PTPRD: variants seen among roughly 807,000 people sequenced by gnomAD.
PTPRD encodes the protein receptor-type tyrosine-protein phosphatase delta.
In PTPRD, 34 loss-of-function variants were observed where a neutral mutation model predicts 214.5. The observed-to-expected ratio is 0.16, with a 90% CI of 0.12 to 0.21. The LOEUF is 0.21. Among genes scored for constraint, PTPRD ranks in the 10% least tolerant of loss-of-function variants. The pLI is 1.00. For missense variants in PTPRD, 2,545 were observed against 2,398.7 expected (o/e 1.06, Z -1.27); for synonymous variants, 1,128 against 845.7 (o/e 1.33, Z -5.79).
At chr9:8,418,565 T>A (rs1178985937) in intron 35 of PTPRD, among the ~76,000 whole-genome samples, 1 of 148,518 alleles carries the variant, frequency 6.7e-6, no homozygotes, top group Non-Finnish European at 1.5e-5. Context: ...GTATGTAAAA[T>A]ACATTTTTTT....
intron 4 of PTPRD, among the ~76,000 whole-genome samples, chr9:9,980,611 A>AAAAAAAAAAAAAAAT (rs2095508465): frequency 3.6e-5 from 1 of 27,856 alleles, no homozygotes; most frequent in African/African-American, 1.3e-4. Flanking sequence ...ACCTTGTCAA[A>AAAAAAAAAAAAAAAT]AAAAAACAAA....
chr9:9,389,337 C>A (rs943284801), intron 9 of PTPRD, among the ~76,000 whole-genome samples: 2 of 151,990 alleles, frequency 1.3e-5, no homozygotes, highest in Non-Finnish European at 2.9e-5. Flanking sequence ...ATGGTGAAAT[C>A]CCATCTCTAC....
At chr9:10,499,657 G>T (rs1472850066) in intron 2 of PTPRD, among the ~76,000 whole-genome samples, 5 of 151,836 alleles carry the variant, frequency 3.3e-5, no homozygotes, top group Admixed American at 6.6e-5. Flanking sequence ...AGAATTAAAG[G>T]TGTAATCAAA....
intron 12 of PTPRD, among the ~76,000 whole-genome samples, chr9:8,711,609 C>T (rs146045364): frequency 1.3e-3 from 196 of 152,224 alleles, no homozygotes; most frequent in African/African-American, 4.5e-3. Context: ...AGCCTGATTG[C>T]CCAGCAGGAC....
At chr9:8,322,077 C>A (rs368309560) in intron 44 of PTPRD, among the ~76,000 whole-genome samples, 2 of 152,032 alleles carry the variant, frequency 1.3e-5, no homozygotes, top group Admixed American at 1.3e-4. Flanking sequence ...TGAACCATGA[C>A]CATAAGACAA....
rs969356821 is a variant in PTPRD, at chr9:8,985,432, G to A, written c.-104+33265C>T. ...CAACATAGATCCATTAATACAGGTT[G>A]TAATAGCTAAAAGCAATGACAGGTA... On this transcript the variant is annotated intron_variant, in intron 11 of 45. Coordinates refer to ENST00000381196, the MANE Select transcript of PTPRD (RefSeq NM_002839.4). Among the ~76,000 whole-genome samples the A allele has an allele frequency of 8.5e-5, 13 of 152,122 alleles. No homozygotes were observed. The South Asian group carries it at 2.5e-3, about 29-fold the overall frequency.
At chr9:9,120,317 T>C (rs2099816402) in intron 10 of PTPRD, among the ~76,000 whole-genome samples, 2 of 152,306 alleles carry the variant, frequency 1.3e-5, no homozygotes, top group East Asian at 1.9e-4. Flanking sequence ...AAATGCTGAA[T>C]CAGTAATTAC....
At chr9:9,781,524 A>C (rs1036433750) in intron 5 of PTPRD, among the ~76,000 whole-genome samples, 3 of 152,208 alleles carry the variant, frequency 2.0e-5, no homozygotes, top group East Asian at 1.9e-4. Context: ...ACAGTTGCCT[A>C]ATTGAAGTAT....
At chr9:9,565,384 CA>C (rs1361094483) in intron 8 of PTPRD, among the ~76,000 whole-genome samples, 1 of 151,542 alleles carries the variant, frequency 6.6e-6, no homozygotes, top group East Asian at 1.9e-4. Flanking sequence ...TTTAAAATTG[CA>C]AAAAATTGCA....
At chr9:9,653,108 C>T in intron 7 of PTPRD, among the ~76,000 whole-genome samples, 1 of 149,836 alleles carries the variant, frequency 6.7e-6, no homozygotes. Context: ...TTTGGGAGGC[C>T]GAGGCGGGTG....
intron 3 of PTPRD, among the ~76,000 whole-genome samples, chr9:10,273,548 G>A (rs1270960034): frequency 6.6e-6 from 1 of 152,038 alleles, no homozygotes; most frequent in East Asian, 1.9e-4. Context: ...CAGTAGAAAT[G>A]CATTTATTTT....
At chr9:8,757,096 C>A (rs374778464) in intron 11 of PTPRD, among the ~76,000 whole-genome samples, 1 of 152,144 alleles carries the variant, frequency 6.6e-6, no homozygotes, top group African/African-American at 2.4e-5. Flanking sequence ...AAGCCAAGAT[C>A]GTGCCAGTGC....
chr9:9,183,561 C>T (rs367914843), intron 9 of PTPRD, among the ~76,000 whole-genome samples, 198 bp from the exon 10 acceptor site: 1 of 152,034 alleles, frequency 6.6e-6, no homozygotes, highest in East Asian at 1.9e-4. Flanking sequence ...CAAAAACCAA[C>T]ATGGAAATCA....
At chr9:9,217,242 A>T (rs2099952901) in intron 9 of PTPRD, among the ~76,000 whole-genome samples, 1 of 152,166 alleles carries the variant, frequency 6.6e-6, no homozygotes. Flanking sequence ...TAAAATGTGG[A>T]TGATAATAGA....
chr9:8,832,104 ATGTG>A (rs34699954), intron 11 of PTPRD, among the ~76,000 whole-genome samples: 56,546 of 148,634 alleles, frequency 0.38, 10,798 homozygotes, highest in African/African-American at 0.48. Context: ...GTATGTGTAT[ATGTG>A]TGTGTGTGTG....
chr9:9,710,951 TGAGAGCGAGCGAGCGAGA>T (rs886266977), intron 7 of PTPRD, among the ~76,000 whole-genome samples: 1 of 152,040 alleles, frequency 6.6e-6, no homozygotes, highest in African/African-American at 2.4e-5. Context: ...GGTCCTAGTC[TGAGAGCGAGCGAGCGAGA>T]GAGAGCGTGT....
chr9:9,923,249 G>GT (rs34163446), intron 5 of PTPRD, among the ~76,000 whole-genome samples: 39,285 of 145,748 alleles, frequency 0.27, 5,851 homozygotes, highest in East Asian at 0.46. Context: ...CTTTCTGTTA[G>GT]TTTTTTTTTT....
chr9:9,273,087 G>A (rs748353126), intron 9 of PTPRD, among the ~76,000 whole-genome samples: 1 of 151,412 alleles, frequency 6.6e-6, no homozygotes, highest in East Asian at 2.0e-4. Flanking sequence ...TTTGAGTTTT[G>A]TGCATTAGAA....
At chr9:9,516,593 A>T (rs1017872786) in intron 8 of PTPRD, among the ~76,000 whole-genome samples, 3 of 151,706 alleles carry the variant, frequency 2.0e-5, no homozygotes, top group Non-Finnish European at 4.4e-5. Context: ...GCTGGAGTGC[A>T]ATGGCACTAA....
Sources: gnomAD v4.1 joint callset for allele counts (sites outside exome capture counted in the v4.1 genomes callset) on GRCh38, gnomAD v4.1.1 for gene constraint, MANE v1.5 for transcripts, NCBI Gene and HGNC (gene_info 2026-07-23, HGNC 2026-07-21) for gene names.